SLC22A25: variants seen among roughly 807,000 people sequenced by gnomAD.
SLC22A25 encodes MGI:2442751, MGI:2385316, MGI:3042283, MGI:3645714, MGI:3605624, MGI:2442750.
Under a neutral mutation model 45.9 loss-of-function variants are expected in SLC22A25, and 44 were observed. The ratio of observed to expected loss-of-function variants is 0.96; its 90% confidence interval spans 0.75 to 1.23. The LOEUF (loss-of-function observed/expected upper bound fraction) is 1.23. Ranked by LOEUF, SLC22A25 falls within the 50% of genes most tolerant of loss-of-function variation. SLC22A25 has a pLI of 0.00. For synonymous variants in SLC22A25, 283 were observed against 238.6 expected, an observed-to-expected ratio of 1.19 and a Z score of -1.72; for missense variants, 800 against 666.4, an observed-to-expected ratio of 1.20 and a Z score of -2.21.
intron 8 of SLC22A25, among the ~76,000 whole-genome samples, chr11:63,183,251 A>G (rs1454142300): frequency 6.6e-6 from 1 of 152,112 alleles, no homozygotes; most frequent in Non-Finnish European, 1.5e-5. Context: ...CACTCACTAA[A>G]TATATCTTGA....
chr11:63,224,605 T>A (rs1293401947), intron 5 of SLC22A25, among the ~76,000 whole-genome samples: 1 of 152,184 alleles, frequency 6.6e-6, no homozygotes, highest in African/African-American at 2.4e-5. Context: ...CATTGTATGT[T>A]TTTAGATTTG....
chr11:63,196,795 A>C (rs1009673367), intron 7 of SLC22A25, among the ~76,000 whole-genome samples: 1 of 152,230 alleles, frequency 6.6e-6, no homozygotes, highest in Non-Finnish European at 1.5e-5. Flanking sequence ...GTATTCAATT[A>C]GGAAAAGAGG....
chr11:63,232,277 C>G (rs527910700), intron 3 of SLC22A25, among the ~76,000 whole-genome samples: 1 of 152,154 alleles, frequency 6.6e-6, no homozygotes, highest in East Asian at 1.9e-4. Flanking sequence ...ATGGAATGTT[C>G]TTCCATTTGT....
intron 8 of SLC22A25, among the ~76,000 whole-genome samples, chr11:63,183,118 C>T (rs1243897612): frequency 6.6e-6 from 1 of 152,064 alleles, no homozygotes; most frequent in Non-Finnish European, 1.5e-5. Context: ...TTCCCCCAGG[C>T]ATTTCCACTC....
At chr11:63,237,496 C>T (rs769437088) in intron 3 of SLC22A25, among the ~76,000 whole-genome samples, 5 of 152,148 alleles carry the variant, frequency 3.3e-5, no homozygotes, top group Non-Finnish European at 1.5e-5. Context: ...CAAAGTTACT[C>T]ATCAGATGCT....
In SLC22A25 at chr11:63,163,306, C is replaced by T. The variant is rs925616814; in HGVS notation, c.*518G>A. Reference sequence around the variant, plus strand: ...TAAAAAATTCCTTTACTTATCACTTCTTTTCCCCTTTTCCAACGCTTTTTT... The same window carrying T: ...TAAAAAATTCCTTTACTTATCACTTTTTTTCCCCTTTTCCAACGCTTTTTT... On this transcript the variant is annotated 3_prime_UTR_variant, in exon 12 of 12. Coordinates refer to ENST00000306494, the MANE Select transcript of SLC22A25 (RefSeq NM_199352.6). 2.6e-5 allele frequency among the ~76,000 whole-genome samples: 4 copies of T among 152,200 alleles called. No homozygotes were observed. The highest frequency in any genetic ancestry group is 9.6e-5 in the African/African-American group (4 of 41,462).
chr11:63,173,841 A>T (rs1318224151), intron 9 of SLC22A25, among the ~76,000 whole-genome samples: 1 of 150,812 alleles, frequency 6.6e-6, no homozygotes, highest in Non-Finnish European at 1.5e-5. Context: ...AGTGCATTGA[A>T]TTTATGCTTT....
intron 3 of SLC22A25, among the ~76,000 whole-genome samples, chr11:63,237,001 A>T (rs1396756831): frequency 1.3e-5 from 2 of 152,158 alleles, no homozygotes; most frequent in Non-Finnish European, 2.9e-5. Context: ...TTCAGTTCTC[A>T]TAGGTAACTT....
At chr11:63,167,690 C>T (rs2134708515) in intron 9 of SLC22A25, 1 of 152,986 alleles carries the variant, frequency 6.5e-6, no homozygotes, top group South Asian at 2.0e-4. Context: ...ATAAAACTCC[C>T]ATCACCTGGG....
At chr11:63,207,017 A>G (rs1026693855) in intron 7 of SLC22A25, among the ~76,000 whole-genome samples, 10 of 152,204 alleles carry the variant, frequency 6.6e-5, no homozygotes, top group African/African-American at 2.2e-4. Context: ...CCTGACAAAA[A>G]CAAGCAATGG....
At chr11:63,236,804 C>T (rs981796222) in intron 3 of SLC22A25, among the ~76,000 whole-genome samples, 1 of 152,246 alleles carries the variant, frequency 6.6e-6, no homozygotes, top group Middle Eastern at 3.4e-3. Context: ...GGCTCCACCC[C>T]CTTCTTCTTT....
intron 3 of SLC22A25, among the ~76,000 whole-genome samples, chr11:63,235,631 T>G (rs2090149911): frequency 6.6e-6 from 1 of 152,220 alleles, no homozygotes; most frequent in Non-Finnish European, 1.5e-5. Context: ...TCTGAAGACT[T>G]CCTCTCTCAA....
intron 1 of SLC22A25, 135 bp downstream of exon 1, chr11:63,243,299 T>G (rs185660164): frequency 9.1e-6 from 4 of 437,840 alleles, no homozygotes; most frequent in Admixed American, 6.7e-5. Context: ...GGTGGCCACT[T>G]CTGATGGTGG....
chr11:63,233,992 C>T (rs1187980907), intron 3 of SLC22A25, among the ~76,000 whole-genome samples: 2 of 151,688 alleles, frequency 1.3e-5, no homozygotes, highest in African/African-American at 2.4e-5. Context: ...TGCACTGTGG[C>T]CTGAGAGACA....
At chr11:63,207,249 A>G (rs1361510380) in intron 7 of SLC22A25, among the ~76,000 whole-genome samples, 2 of 152,240 alleles carry the variant, frequency 1.3e-5, no homozygotes, top group Non-Finnish European at 2.9e-5. Flanking sequence ...CAATGGCAAC[A>G]AAAGCCAAAA....
In SLC22A25 at chr11:63,229,272, G is replaced by A. The variant is rs2090022785; in HGVS notation, c.381C>T (p.Phe127=). 1 of 1,542,826 alleles carries A rather than the reference G, an allele frequency of 6.5e-7. No homozygotes were observed. Among genetic ancestry groups the A allele is most frequent in the Non-Finnish European group, 8.8e-7 (1 of 1,141,898 alleles). Residue 127 remains phenylalanine, a synonymous_variant, in exon 4 of 12, where the codon TTC becomes TTT. Coordinates refer to ENST00000306494, the MANE Select transcript of SLC22A25 (RefSeq NM_199352.6). ...VDGWVYDQSS[F]PSTIVTKWDL... ...TTACCTTAGTCACAATGGTGGAAGGGAAGGAGCTTTGGTCATATACCCAGC... is the reference window on the plus strand; with the variant it reads ...TTACCTTAGTCACAATGGTGGAAGGAAAGGAGCTTTGGTCATATACCCAGC...
chr11:63,210,581 C>T (rs1037864641), intron 7 of SLC22A25, among the ~76,000 whole-genome samples: 5 of 152,166 alleles, frequency 3.3e-5, no homozygotes, highest in African/African-American at 1.2e-4. Flanking sequence ...AAAGGCAGAT[C>T]CTGACCTGAT....
chr11:63,180,801 C>T, intron 8 of SLC22A25, 26 bp from the exon 9 acceptor site: 2 of 1,558,534 alleles, frequency 1.3e-6, no homozygotes, highest in Non-Finnish European at 1.8e-6. Flanking sequence ...AAGCAATAAA[C>T]TGTTCAGTTG....
chr11:63,168,605 G>A (rs1009641456), intron 9 of SLC22A25, among the ~76,000 whole-genome samples: 1 of 152,032 alleles, frequency 6.6e-6, no homozygotes, highest in Non-Finnish European at 1.5e-5. Flanking sequence ...AAGTGTGAAG[G>A]AAAGACTAGA....
Sources: allele counts gnomAD v4.1 joint callset (sites outside exome capture counted in the v4.1 genomes callset), GRCh38; gene constraint gnomAD v4.1.1; transcripts MANE v1.5; gene names NCBI Gene and HGNC (gene_info 2026-07-23, HGNC 2026-07-21).